Variants in GRK5 observed in about 807,000 individuals in gnomAD.
GRK5 encodes the protein G protein-coupled receptor kinase 5, also known as g protein-coupled receptor kinase GRK5.
In GRK5, 40 loss-of-function variants were observed where a neutral mutation model predicts 78.4. The ratio of observed to expected loss-of-function variants is 0.51; its 90% CI spans 0.40 to 0.66. The LOEUF (loss-of-function observed/expected upper bound fraction) is 0.66, where lower values mean the gene tolerates loss of function less well. Ranked by LOEUF, GRK5 falls within the 30% of genes least tolerant of loss-of-function variation. The probability of loss-of-function intolerance (pLI) is 0.00; values close to 1 mark genes in which losing one functional copy is unlikely to be tolerated. For missense variants in GRK5, 598 were observed against 759.9 expected (o/e 0.79, Z 2.50); for synonymous variants, 289 against 296.8 (o/e 0.97, Z 0.27).
At chr10:119,357,984 G>T (rs1851291942) in intron 2 of GRK5, among the ~76,000 whole-genome samples, 1 of 152,208 alleles carries the variant, frequency 6.6e-6, no homozygotes, top group South Asian at 2.1e-4. Context: ...TCTCGGGGTG[G>T]CTGCATCAAT....
chr10:119,439,652 C>T (rs956457109), intron 9 of GRK5, 79 bp from the exon 10 acceptor site: 38 of 1,412,408 alleles, frequency 2.7e-5, no homozygotes, highest in Non-Finnish European at 2.7e-5. Context: ...CTGATTAGCC[C>T]GAGGGGTCGA....
chr10:119,230,525 G>C (rs767778729), intron 1 of GRK5, among the ~76,000 whole-genome samples: 57 of 152,066 alleles, frequency 3.7e-4, no homozygotes, highest in Non-Finnish European at 7.2e-4. Flanking sequence ...ATAACTGTCA[G>C]ATCTCATGAG....
At chr10:119,407,146 GCTTCCC>G (rs953627239) in intron 4 of GRK5, among the ~76,000 whole-genome samples, 1 of 152,086 alleles carries the variant, frequency 6.6e-6, no homozygotes, top group Non-Finnish European at 1.5e-5. Flanking sequence ...CCTCCCTTCC[GCTTCCC>G]CTTCCCCTTC....
Position 119,311,914 on chromosome 10 carries a change from A to ACTTT in GRK5, c.53-14602_53-14601insCTTT, listed in dbSNP as rs34048341. On this transcript the variant is annotated intron_variant, in intron 1 of 15. Transcript: ENST00000392870. ...TGTACTGAATGCTACTGAATTGTTC[A>ACTTT]TTTTTTTTTTTTTTTTTTTGAGACG... Among the ~76,000 whole-genome samples, 52 of 137,818 alleles carry ACTTT rather than the reference A, an allele frequency of 3.8e-4. 19 individuals carry two copies. Among genetic ancestry groups the ACTTT allele is most frequent in the Non-Finnish European group, 4.0e-4 (26 of 64,906 alleles). 90.4% of individuals were successfully genotyped at this position (137,818 alleles called of 152,430 possible). A position where few individuals can be genotyped will look rare whatever the true frequency, so the allele number is the denominator to read the frequency against.
In GRK5 at chr10:119,282,565, G is replaced by C. The variant is rs141231924; in HGVS notation, c.53-43951G>C. The stretch of plus-strand genomic sequence containing the variant: ...CTGGGGCAGGAGAGGCGTGTGCTGC[G>C]GCCCTGGATGGGCTCATGGGCAGAT... On this transcript the variant is annotated intron_variant, in intron 1 of 15. Transcript: ENST00000392870. Among the ~76,000 whole-genome samples, 8 of 152,316 alleles carry C rather than the reference G, an allele frequency of 5.3e-5. No individual in the cohort carries two copies. The East Asian group carries it at 1.5e-3, about 29-fold the overall frequency.
rs573244377 is a variant in GRK5 at position 119,430,566 on chromosome 10, C to T, written c.597+128C>T. The T allele has an allele frequency of 8.8e-5, 64 of 724,682 alleles. No homozygotes were observed. In the East Asian group the frequency reaches 1.3e-3, roughly 15 times the overall value. 44.9% of individuals were successfully genotyped at this position (724,682 alleles called of 1,614,324 possible). On this transcript the variant is annotated intron_variant, in intron 7 of 15. Coordinates refer to ENST00000392870, the MANE Select transcript of GRK5 (RefSeq NM_005308.3). The surrounding 1 kb of genome is among the most constrained non-coding windows in gnomAD (Gnocchi z 4.5). ...GGCACCAGTGGCTCAATGTGGGCCC[C>T]GGGGGCAGTGAGGGTGGGAGAGAGT...
intron 1 of GRK5, among the ~76,000 whole-genome samples, chr10:119,297,613 G>C (rs1490891378): frequency 6.6e-6 from 1 of 152,216 alleles, no homozygotes; most frequent in Non-Finnish European, 1.5e-5. Flanking sequence ...GTCAACTCAG[G>C]AGCGGGTTTG....
chr10:119,354,395 C>CTTTTTTTT (rs60146483), intron 2 of GRK5, among the ~76,000 whole-genome samples: 5 of 87,816 alleles, frequency 5.7e-5, no homozygotes, highest in African/African-American at 8.8e-5. Flanking sequence ...CCTACATCTC[C>CTTTTTTTT]TTTTTTTTTT....
chr10:119,317,836 G>A (rs1850518270), intron 1 of GRK5, among the ~76,000 whole-genome samples: 1 of 152,180 alleles, frequency 6.6e-6, no homozygotes, highest in African/African-American at 2.4e-5. Context: ...CCTAGAAAGA[G>A]TGGTCCCGTC....
At chr10:119,279,928 G>A (rs1046112576) in intron 1 of GRK5, among the ~76,000 whole-genome samples, 40 of 152,142 alleles carry the variant, frequency 2.6e-4, no homozygotes, top group Non-Finnish European at 5.1e-4. Flanking sequence ...GGAGGAGGGC[G>A]CATGATGCCT....
intron 1 of GRK5, among the ~76,000 whole-genome samples, chr10:119,212,298 C>T (rs1298180615): frequency 2.6e-5 from 4 of 152,170 alleles, no homozygotes; most frequent in African/African-American, 9.7e-5. Context: ...TTTGAAAAAC[C>T]ATCAGATAAA....
chr10:119,305,467 G>T (rs886492990), intron 1 of GRK5, among the ~76,000 whole-genome samples: 3 of 152,202 alleles, frequency 2.0e-5, no homozygotes, highest in African/African-American at 7.2e-5. Flanking sequence ...CTGTCCTCTT[G>T]GGTGGAAGCC....
At chr10:119,325,867 T>C (rs1257923048) in intron 1 of GRK5, among the ~76,000 whole-genome samples, 2 of 152,252 alleles carry the variant, frequency 1.3e-5, no homozygotes, top group African/African-American at 2.4e-5. Flanking sequence ...GCACATTCAT[T>C]GTGCGTGTGC....
chr10:119,291,264 C>T (rs11198863), intron 1 of GRK5, among the ~76,000 whole-genome samples: 125,130 of 151,804 alleles, frequency 0.82, 51,618 homozygotes, highest in East Asian at 0.93. Context: ...TTTGGATTTG[C>T]GGTATCACCA....
chr10:119,269,773 C>T (rs1849556430), intron 1 of GRK5, among the ~76,000 whole-genome samples: 2 of 146,902 alleles, frequency 1.4e-5, no homozygotes, highest in South Asian at 4.3e-4. Flanking sequence ...GCGGAGGTTG[C>T]AGTGAGCTGA....
chr10:119,403,752 GC>G (rs1589790986), intron 4 of GRK5, among the ~76,000 whole-genome samples: 1 of 152,014 alleles, frequency 6.6e-6, no homozygotes, highest in East Asian at 1.9e-4. Context: ...TCCTGCCACC[GC>G]CTCCCAAGTA....
At chr10:119,237,988 G>A (rs957071540) in intron 1 of GRK5, among the ~76,000 whole-genome samples, 8 of 149,920 alleles carry the variant, frequency 5.3e-5, no homozygotes, top group African/African-American at 1.7e-4. Context: ...GGCATGGAAA[G>A]GGCTCTAAGC....
At chr10:119,342,092 G>C (rs1850992845) in intron 2 of GRK5, among the ~76,000 whole-genome samples, 1 of 500 alleles carries the variant, frequency 2.0e-3, no homozygotes. Context: ...GACTGGTCAG[G>C]CGAGATGGGC....
intron 3 of GRK5, among the ~76,000 whole-genome samples, chr10:119,391,626 C>G (rs745997688): frequency 6.6e-6 from 1 of 150,872 alleles, no homozygotes; most frequent in Non-Finnish European, 1.5e-5. Context: ...GGTCCGGGAG[C>G]CTGCGGTGCC....
Sources: allele counts gnomAD v4.1 joint callset (sites outside exome capture counted in the v4.1 genomes callset), GRCh38; gene constraint gnomAD v4.1.1; non-coding constraint Gnocchi (gnomAD v3.1); transcripts MANE v1.5; gene names NCBI Gene and HGNC (gene_info 2026-07-23, HGNC 2026-07-21).